Variants in FRMPD4 observed in about 807,000 individuals in gnomAD.
FRMPD4 encodes FERM and PDZ domain-containing protein 4.
FRMPD4 carries 22 observed loss-of-function variants against 94.1 expected under a neutral mutation model. The ratio of observed to expected loss-of-function variants is 0.23; its 90% confidence interval spans 0.17 to 0.33. The LOEUF (loss-of-function observed/expected upper bound fraction) is 0.33. Ranked by LOEUF, FRMPD4 falls within the 10% of genes least tolerant of loss-of-function variation. The pLI, the probability that FRMPD4 is intolerant of heterozygous loss-of-function variation, is 1.00. For synonymous variants in FRMPD4, 631 were observed against 548.6 expected, an observed-to-expected ratio of 1.15 and a Z score of -2.10; for missense variants, 1,111 against 1,339.9, an observed-to-expected ratio of 0.83 and a Z score of 2.67.
At chrX:12,362,766 T>C (rs1474502313) in intron 1 of FRMPD4, among the ~76,000 whole-genome samples, 3 of 112,016 alleles carry the variant, frequency 2.7e-5, no homozygotes, top group Non-Finnish European at 5.6e-5. Context: ...TTCTCGATCC[T>C]TGACGAATCG....
chrX:12,506,523 G>A (rs746508560), intron 2 of FRMPD4, among the ~76,000 whole-genome samples: 35 of 111,769 alleles, frequency 3.1e-4, no homozygotes, highest in African/African-American at 1.1e-3. Flanking sequence ...TCTTGACCTC[G>A]TGATCTGCCT....
chrX:12,336,587 A>G (rs925377716), intron 1 of FRMPD4, among the ~76,000 whole-genome samples: 1 of 111,484 alleles, frequency 9.0e-6, no homozygotes, highest in African/African-American at 3.3e-5. Context: ...ATGGAGCCAC[A>G]TCATTAAGCT....
intron 1 of FRMPD4, among the ~76,000 whole-genome samples, chrX:12,450,225 T>A (rs191487541): frequency 1.5e-3 from 163 of 111,032 alleles, no homozygotes; most frequent in South Asian, 3.4e-3. Flanking sequence ...TTCTATGACC[T>A]GTAATAGAAA....
chrX:12,395,880 G>A (rs6640978), intron 1 of FRMPD4: 1,827 of 117,099 alleles, frequency 0.016, 32 homozygotes, highest in African/African-American at 0.052. Context: ...CTGACTGTGA[G>A]CTCCATAAAT....
intron 3 of FRMPD4, among the ~76,000 whole-genome samples, chrX:12,096,070 T>C (rs146929975): frequency 7.8e-4 from 88 of 112,466 alleles, no homozygotes; most frequent in African/African-American, 2.8e-3. Flanking sequence ...TGTTTCTCTA[T>C]ATTCCCAGCA....
At chrX:12,366,627 T>C (rs2056084809) in intron 1 of FRMPD4, among the ~76,000 whole-genome samples, 1 of 112,209 alleles carries the variant, frequency 8.9e-6, no homozygotes, top group Non-Finnish European at 1.9e-5. Context: ...CCACCCAGTG[T>C]CCCCATGGGC....
intron 1 of FRMPD4, among the ~76,000 whole-genome samples, chrX:12,344,476 G>C (rs2055668885): frequency 9.0e-6 from 1 of 110,950 alleles, no homozygotes; most frequent in Non-Finnish European, 1.9e-5. Flanking sequence ...CCTCTTATCT[G>C]TCTCCCCACT....
At chrX:12,087,998 T>G (rs1453107246) in intron 3 of FRMPD4, among the ~76,000 whole-genome samples, 1 of 112,385 alleles carries the variant, frequency 8.9e-6, no homozygotes. Context: ...CCCTGAAGGG[T>G]GTAAACTCTG....
intron 3 of FRMPD4, among the ~76,000 whole-genome samples, chrX:12,100,495 A>G (rs1368811577): frequency 2.7e-5 from 3 of 110,924 alleles, no homozygotes; most frequent in Non-Finnish European, 5.7e-5. Context: ...CTATCTAACA[A>G]TCCTGACCTT....
rs761710078 is a variant in FRMPD4 at position 12,718,266 on chromosome X, G to A, written c.3440G>A (p.Gly1147Glu). The A allele has an allele frequency of 8.0e-5, 97 of 1,209,995 alleles. 1 individual carries two copies. The highest frequency in any genetic ancestry group is 1.0e-4 in the Non-Finnish European group (93 of 895,050). Residue 1147 changes from glycine to glutamate, a missense_variant, in exon 16 of 17, where the codon GGG becomes GAG. Gly to Glu is a moderately conservative substitution (Grantham distance 98). Transcript: ENST00000675598. ...ETSDGSGLGQ[G>E]DRFLTDVTCA... ...AGTGATGGCTCAGGACTTGGTCAAG[G>A]GGACCGCTTCTTAACTGACGTGACC... is the stretch of plus-strand genomic sequence containing the variant.
intron 1 of FRMPD4, among the ~76,000 whole-genome samples, chrX:11,838,117 T>C (rs1311226250): frequency 1.8e-5 from 2 of 111,608 alleles, no homozygotes; most frequent in Non-Finnish European, 3.8e-5. Context: ...CCACAAGTGT[T>C]CTTTTCTAAT....
At chrX:12,220,152 GCAACAACAA>G (rs3063515) in intron 1 of FRMPD4, among the ~76,000 whole-genome samples, 6 of 106,518 alleles carry the variant, frequency 5.6e-5, no homozygotes, top group Admixed American at 1.0e-4. Flanking sequence ...AACAACAACA[GCAACAACAA>G]CAACAACAAC....
chrX:12,492,308 G>A (rs2057801131), intron 1 of FRMPD4, among the ~76,000 whole-genome samples: 1 of 111,880 alleles, frequency 8.9e-6, no homozygotes, highest in Non-Finnish European at 1.9e-5. Flanking sequence ...AATTCTCCCT[G>A]ATACCTAATT....
chrX:11,973,911 G>A (rs1358656306), intron 3 of FRMPD4, among the ~76,000 whole-genome samples: 1 of 111,579 alleles, frequency 9.0e-6, no homozygotes, highest in Non-Finnish European at 1.9e-5. Flanking sequence ...TGTGCACCCA[G>A]GGATGAGATG....
intron 1 of FRMPD4, among the ~76,000 whole-genome samples, chrX:12,260,578 A>T (rs2054174791): frequency 2.7e-5 from 3 of 110,786 alleles, no homozygotes; most frequent in Admixed American, 9.6e-5. Flanking sequence ...CATCCTTCAC[A>T]TCCATTATCT....
At chrX:11,872,236 T>C (rs181755869) in intron 2 of FRMPD4, among the ~76,000 whole-genome samples, 57 of 112,284 alleles carry the variant, frequency 5.1e-4, no homozygotes, top group African/African-American at 1.8e-3. Flanking sequence ...TCTTTCATGG[T>C]TAGACAGGTT....
intron 2 of FRMPD4, among the ~76,000 whole-genome samples, chrX:12,513,582 G>A (rs188410379): frequency 8.1e-4 from 91 of 111,869 alleles, no homozygotes; most frequent in African/African-American, 2.5e-3. Flanking sequence ...CTATGTGTCC[G>A]TTTTTCTACC....
intron 4 of FRMPD4, among the ~76,000 whole-genome samples, chrX:12,620,527 C>T (rs1292437234): frequency 5.4e-5 from 6 of 112,094 alleles, no homozygotes; most frequent in Admixed American, 1.9e-4. Flanking sequence ...AGTAACAGGC[C>T]GATGATCTGT....
intron 3 of FRMPD4, among the ~76,000 whole-genome samples, chrX:11,904,253 C>T (rs889147420): frequency 2.7e-5 from 3 of 111,847 alleles, no homozygotes; most frequent in African/African-American, 6.5e-5. Context: ...TTATTTCTTA[C>T]GATGTCTGTT....
Sources: allele counts gnomAD v4.1 joint callset (sites outside exome capture counted in the v4.1 genomes callset), GRCh38; gene constraint gnomAD v4.1.1; transcripts MANE v1.5; gene names NCBI Gene and HGNC (gene_info 2026-07-23, HGNC 2026-07-21).